The following GRAMD1B variants were observed in gnomAD, a reference collection of about 807,000 sequenced individuals.
GRAMD1B encodes GRAM domain containing 1B, also known as protein Aster-B.
GRAMD1B carries 37 observed loss-of-function variants against 99.7 expected under a neutral mutation model. That is an observed-to-expected ratio of 0.37 (90% confidence interval 0.29 to 0.49). The LOEUF (loss-of-function observed/expected upper bound fraction) is 0.49. Among genes scored for constraint, GRAMD1B ranks in the 20% least tolerant of loss-of-function variants. The pLI, the probability that GRAMD1B is intolerant of heterozygous loss-of-function variation, is 0.98. For synonymous variants in GRAMD1B, 427 were observed against 387.6 expected (o/e 1.10, Z -1.19); for missense variants, 888 against 1,009.2 (o/e 0.88, Z 1.63).
chr11:123,570,988 T>C (rs1948010900), intron 2 of GRAMD1B, among the ~76,000 whole-genome samples: 3 of 152,036 alleles, frequency 2.0e-5, no homozygotes, highest in Admixed American at 6.6e-5. Context: ...GGGCTGACAG[T>C]CTGACTGGGA....
rs146845869 is a variant in GRAMD1B, at chr11:123,622,517, G to A, written c.2556G>A (p.Ser852=). The change falls in exon 20 of 20, where the codon TCG becomes TCA. Residue 852 remains serine (S), a synonymous_variant. Transcript: ENST00000635736. ...TTTCTGTCTTGCAGATGAAGGACTCGCTCATCAACCTTCAGAACGGCATCA... is the reference window on the plus strand; with the variant it reads ...TTTCTGTCTTGCAGATGAAGGACTCACTCATCAACCTTCAGAACGGCATCA... The part of the protein sequence containing the change: ...SVMLLDQMKD[S]LINLQNGIRS... 359 of 1,553,526 alleles carry A rather than the reference G, an allele frequency of 2.3e-4. No homozygotes were observed. In the Middle Eastern group the frequency reaches 6.3e-3, roughly 27 times the overall value.
intron 2 of GRAMD1B, among the ~76,000 whole-genome samples, chr11:123,572,455 T>G (rs1948212550): frequency 6.6e-6 from 1 of 152,246 alleles, no homozygotes. Context: ...TTTTGTTTGC[T>G]CAGCAGGACA....
chr11:123,551,520 C>T (rs1425298782), intron 2 of GRAMD1B, among the ~76,000 whole-genome samples: 2 of 152,146 alleles, frequency 1.3e-5, no homozygotes, highest in Admixed American at 6.5e-5. Flanking sequence ...GAGCCACATG[C>T]GGAAGGTCAG....
intron 11 of GRAMD1B, 64 bp from the exon 12 acceptor site, chr11:123,608,595 T>G (rs945000218): frequency 6.4e-7 from 1 of 1,554,860 alleles, no homozygotes; most frequent in African/African-American, 1.4e-5. Context: ...TCTTGGAGGA[T>G]GTCCCTGGGG....
At chr11:123,529,967 T>G (rs899982328) in intron 2 of GRAMD1B, among the ~76,000 whole-genome samples, 2 of 152,000 alleles carry the variant, frequency 1.3e-5, no homozygotes, top group Non-Finnish European at 2.9e-5. Context: ...GTCAGTGTGC[T>G]GGAAGAATTT....
rs1163192885 is a variant in GRAMD1B, at chr11:123,591,988, T to A, written c.685-2094T>A. Reference sequence around the variant, plus strand: ...TGGCCAAACGCCCTGTACCTCCACCTCTGTGGATACCTGAGCTATTACTGG... The same window carrying A: ...TGGCCAAACGCCCTGTACCTCCACCACTGTGGATACCTGAGCTATTACTGG... On this transcript the variant is annotated intron_variant, in intron 4 of 19. Transcript: ENST00000635736. The surrounding 1 kb of genome is among the most constrained non-coding windows in gnomAD (Gnocchi z 4.7). 2.0e-5 allele frequency among the ~76,000 whole-genome samples: 3 copies of A among 152,216 alleles called. No individual in the cohort carries two copies. The highest frequency in any genetic ancestry group is 7.2e-5 in the African/African-American group (3 of 41,446).
chr11:123,412,856 A>C (rs1473757015), intron 1 of GRAMD1B, among the ~76,000 whole-genome samples: 1 of 152,146 alleles, frequency 6.6e-6, no homozygotes, highest in African/African-American at 2.4e-5. Flanking sequence ...ATCTCGGCTT[A>C]CTGCAACGTC....
At chr11:123,412,341 T>G (rs922168381) in intron 1 of GRAMD1B, among the ~76,000 whole-genome samples, 4 of 152,266 alleles carry the variant, frequency 2.6e-5, no homozygotes, top group Non-Finnish European at 5.9e-5. Context: ...GTTGTGTGCC[T>G]ATCATGTGCA....
intron 19 of GRAMD1B, among the ~76,000 whole-genome samples, chr11:123,622,026 TC>T (rs1173943457): frequency 2.6e-5 from 4 of 151,542 alleles, no homozygotes; most frequent in African/African-American, 9.7e-5. Flanking sequence ...CCTCTGTCTC[TC>T]TCTCTTTTTA....
At chr11:123,526,574 G>A (rs935178521) in intron 2 of GRAMD1B, among the ~76,000 whole-genome samples, 1 of 152,142 alleles carries the variant, frequency 6.6e-6, no homozygotes, top group Non-Finnish European at 1.5e-5. Flanking sequence ...CCTTAGCCCT[G>A]ACCAACACGT....
intron 1 of GRAMD1B, among the ~76,000 whole-genome samples, chr11:123,403,346 G>A (rs2135930169): frequency 6.6e-6 from 1 of 151,308 alleles, no homozygotes. Context: ...AGAATTGTTT[G>A]AACACAGGAG....
At chr11:123,565,692 G>A (rs1018553708) in intron 2 of GRAMD1B, among the ~76,000 whole-genome samples, 1 of 152,194 alleles carries the variant, frequency 6.6e-6, no homozygotes, top group African/African-American at 2.4e-5. Flanking sequence ...GCTGTTGTCA[G>A]GGCCATTGCA....
intron 2 of GRAMD1B, among the ~76,000 whole-genome samples, chr11:123,558,143 C>G (rs1204426176): frequency 6.6e-6 from 1 of 151,962 alleles, no homozygotes; most frequent in African/African-American, 2.4e-5. Context: ...GCCACTATGC[C>G]TGGCTAATTT....
chr11:123,435,608 G>C, intron 1 of GRAMD1B: 1 of 604,746 alleles, frequency 1.7e-6, no homozygotes, highest in Non-Finnish European at 3.0e-6. Context: ...GTTCATCTTT[G>C]TATCGTCACA....
At chr11:123,551,661 T>G (rs1355948564) in intron 2 of GRAMD1B, among the ~76,000 whole-genome samples, 2 of 152,210 alleles carry the variant, frequency 1.3e-5, no homozygotes, top group African/African-American at 4.8e-5. Context: ...CAAATGAAAT[T>G]ACTCTAATTT....
chr11:123,595,073 T>C (rs1026176340), intron 6 of GRAMD1B, among the ~76,000 whole-genome samples: 1 of 152,200 alleles, frequency 6.6e-6, no homozygotes, highest in African/African-American at 2.4e-5. Flanking sequence ...TGGGAACATT[T>C]GCTTTTGTCA....
chr11:123,523,649 A>G (rs768614288), intron 2 of GRAMD1B, among the ~76,000 whole-genome samples: 6 of 152,190 alleles, frequency 3.9e-5, no homozygotes, highest in Non-Finnish European at 7.3e-5. Context: ...GTTACTTGTG[A>G]TCAGAGCAGT....
chr11:123,512,242 G>C (rs1340303936), intron 2 of GRAMD1B, among the ~76,000 whole-genome samples: 2 of 152,228 alleles, frequency 1.3e-5, no homozygotes, highest in Non-Finnish European at 2.9e-5. Flanking sequence ...TGGGAACGCT[G>C]CTGTCTGTCT....
At chr11:123,391,817 A>G (rs1214952078) in intron 1 of GRAMD1B, among the ~76,000 whole-genome samples, 1 of 152,208 alleles carries the variant, frequency 6.6e-6, no homozygotes, top group Non-Finnish European at 1.5e-5. Context: ...CAGACATGGC[A>G]CTATGCCATG....
Sources: allele counts gnomAD v4.1 joint callset (sites outside exome capture counted in the v4.1 genomes callset), GRCh38; gene constraint gnomAD v4.1.1; non-coding constraint Gnocchi (gnomAD v3.1); transcripts MANE v1.5; gene names NCBI Gene and HGNC (gene_info 2026-07-23, HGNC 2026-07-21).